ATP8A2: variants seen among roughly 807,000 people sequenced by gnomAD.
ATP8A2 encodes ATPase phospholipid transporting 8A2.
Under a neutral mutation model 165.6 loss-of-function variants are expected in ATP8A2, and 100 were observed. The ratio of observed to expected loss-of-function variants is 0.60; its 90% confidence interval spans 0.51 to 0.71. The LOEUF is 0.71. Among genes scored for constraint, ATP8A2 ranks in the 30% least tolerant of loss-of-function variants. ATP8A2 has a pLI of 0.00. For synonymous variants in ATP8A2, 543 were observed against 548.8 expected (o/e 0.99, Z 0.15); for missense variants, 1,227 against 1,479.5 (o/e 0.83, Z 2.80).
At position 25,919,372 on chromosome 13, in the gene ATP8A2, C is replaced by G. The variant is rs527902411; in HGVS notation, c.3184-42203C>G. ...GATTCTTATCTGAGCGTACCCTCTC[C>G]TTTATAACTGTATTCAGATCTCCAC... On this transcript the variant is annotated intron_variant, in intron 33 of 36. Coordinates refer to ENST00000381655, the MANE Select transcript of ATP8A2 (RefSeq NM_016529.6). Among the ~76,000 whole-genome samples the G allele has an allele frequency of 1.2e-4, 19 of 152,130 alleles. No individual in the cohort carries two copies. The South Asian group carries it at 2.9e-3, about 23-fold the overall frequency.
chr13:25,819,598 G>A (rs1053698284), intron 27 of ATP8A2, among the ~76,000 whole-genome samples: 2 of 150,074 alleles, frequency 1.3e-5, no homozygotes, highest in Admixed American at 6.6e-5. Flanking sequence ...AAAGATAGGT[G>A]TTTCTAGTTC....
Position 25,581,804 on chromosome 13 carries a change from A to G in ATP8A2, c.2008-15A>G, listed in dbSNP as rs369387774. 1.2e-6 allele frequency: 2 copies of G among 1,612,234 alleles called. No individual in the cohort carries two copies. Among genetic ancestry groups the G allele is most frequent in the South Asian group, 2.2e-5 (2 of 90,732 alleles). On this transcript the variant is annotated splice_polypyrimidine_tract_variant and intron_variant, in intron 22 of 36. Coordinates refer to ENST00000381655, the MANE Select transcript of ATP8A2 (RefSeq NM_016529.6). The stretch of plus-strand genomic sequence containing the variant: ...TATGTGCCAATCTTTAACTGAGGAT[A>G]TTTTTTCAATGTAGAATTTGCTGCT...
chr13:25,466,276 T>G (rs980089454), intron 1 of ATP8A2, among the ~76,000 whole-genome samples: 4 of 152,190 alleles, frequency 2.6e-5, no homozygotes, highest in African/African-American at 9.7e-5. Flanking sequence ...TAGTTGGCCC[T>G]GATACAATTT....
At chr13:25,626,923 A>C (rs999002160) in intron 24 of ATP8A2, among the ~76,000 whole-genome samples, 2 of 152,116 alleles carry the variant, frequency 1.3e-5, no homozygotes, top group Non-Finnish European at 2.9e-5. Context: ...AAACCAGCAG[A>C]TCTCGTGTTA....
intron 24 of ATP8A2, among the ~76,000 whole-genome samples, chr13:25,618,620 ACTT>A (rs1335260514): frequency 6.7e-6 from 1 of 149,368 alleles, no homozygotes; most frequent in Non-Finnish European, 1.5e-5. Context: ...ATGGCAGTAA[ACTT>A]TTTTTTTTTT....
At chr13:25,642,526 C>G (rs1367991292) in intron 24 of ATP8A2, among the ~76,000 whole-genome samples, 1 of 152,152 alleles carries the variant, frequency 6.6e-6, no homozygotes, top group Non-Finnish European at 1.5e-5. Flanking sequence ...CAGAGAAATG[C>G]AAATCAAAAC....
chr13:25,854,608 G>A (rs1288197202), intron 30 of ATP8A2, among the ~76,000 whole-genome samples: 1 of 152,168 alleles, frequency 6.6e-6, no homozygotes, highest in Non-Finnish European at 1.5e-5. Context: ...GGGCCACTGT[G>A]CCTGGCCAAA....
chr13:25,757,456 A>G (rs2044286704), intron 25 of ATP8A2, among the ~76,000 whole-genome samples: 1 of 152,048 alleles, frequency 6.6e-6, no homozygotes, highest in Non-Finnish European at 1.5e-5. Context: ...CAAAGTTGTC[A>G]CTACTTTAAA....
At chr13:25,601,521 C>T (rs567276451) in intron 24 of ATP8A2, among the ~76,000 whole-genome samples, 27 of 152,334 alleles carry the variant, frequency 1.8e-4, no homozygotes, top group East Asian at 3.9e-4. Flanking sequence ...GTCACCCATG[C>T]TGGCGCCATC....
At chr13:25,470,392 A>G (rs537685580) in intron 2 of ATP8A2, among the ~76,000 whole-genome samples, 13 of 152,320 alleles carry the variant, frequency 8.5e-5, no homozygotes, top group Admixed American at 5.9e-4. Flanking sequence ...TTACCACTTC[A>G]CAAACTAGGG....
chr13:26,018,728 G>A (rs1019042298), intron 36 of ATP8A2, among the ~76,000 whole-genome samples: 6 of 152,190 alleles, frequency 3.9e-5, no homozygotes, highest in African/African-American at 1.2e-4. Flanking sequence ...CAGCTCTAGA[G>A]TGTGGACCCT....
chr13:25,860,754 A>G (rs1952324658), intron 31 of ATP8A2, 50 bp from the exon 32 acceptor site: 1 of 1,412,360 alleles, frequency 7.1e-7, no homozygotes, highest in Non-Finnish European at 9.9e-7. Flanking sequence ...GGAAAGTGAA[A>G]ATAACTCATT....
intron 25 of ATP8A2, among the ~76,000 whole-genome samples, chr13:25,735,461 A>G (rs1035368730): frequency 6.6e-6 from 1 of 152,070 alleles, no homozygotes; most frequent in Non-Finnish European, 1.5e-5. Flanking sequence ...AGGTCTCACC[A>G]TGTTGCCCAG....
chr13:25,889,607 T>G (rs1016452827), intron 33 of ATP8A2, among the ~76,000 whole-genome samples: 1 of 151,750 alleles, frequency 6.6e-6, no homozygotes, highest in African/African-American at 2.4e-5. Context: ...GGCTGCATCC[T>G]CCTTCCCCAG....
chr13:25,817,515 A>G (rs561401474), intron 27 of ATP8A2, among the ~76,000 whole-genome samples: 2 of 152,292 alleles, frequency 1.3e-5, no homozygotes, highest in South Asian at 4.1e-4. Flanking sequence ...ACTTTGAGCT[A>G]TAAGATTCAA....
chr13:25,508,949 G>A (rs546948930), intron 2 of ATP8A2, among the ~76,000 whole-genome samples: 42 of 152,262 alleles, frequency 2.8e-4, no homozygotes, highest in Admixed American at 4.6e-4. Flanking sequence ...CATGTTTTGG[G>A]GACCTGGGTA....
At chr13:25,638,660 G>T (rs894683667) in intron 24 of ATP8A2, among the ~76,000 whole-genome samples, 1 of 152,098 alleles carries the variant, frequency 6.6e-6, no homozygotes, top group African/African-American at 2.4e-5. Context: ...GGGGAGAATG[G>T]AACCAAGTTG....
chr13:25,645,098 A>C (rs1179469513), intron 24 of ATP8A2, among the ~76,000 whole-genome samples: 1 of 152,098 alleles, frequency 6.6e-6, no homozygotes, highest in Admixed American at 6.6e-5. Flanking sequence ...TTGATAAAGC[A>C]CACCCAAGAT....
intron 33 of ATP8A2, among the ~76,000 whole-genome samples, chr13:25,885,697 A>C (rs1953128477): frequency 6.6e-6 from 1 of 152,198 alleles, no homozygotes; most frequent in African/African-American, 2.4e-5. Flanking sequence ...TGTTTCTCTT[A>C]GAATTAAACA....
Sources: allele counts gnomAD v4.1 joint callset (sites outside exome capture counted in the v4.1 genomes callset), GRCh38; gene constraint gnomAD v4.1.1; transcripts MANE v1.5; gene names NCBI Gene and HGNC (gene_info 2026-07-23, HGNC 2026-07-21).